Variants in RAI14 observed in about 807,000 individuals in gnomAD.
RAI14 encodes the protein retinoic acid induced 14, also known as ankycorbin.
A neutral mutation model predicts 115.4 loss-of-function variants in RAI14; 45 were observed. That is an observed-to-expected ratio of 0.39 (90% CI 0.31 to 0.50). The LOEUF is 0.50. Ranked by LOEUF, RAI14 falls within the 20% of genes least tolerant of loss-of-function variation. The pLI is 0.85. For missense variants in RAI14, 939 were observed against 1,131.2 expected, an observed-to-expected ratio of 0.83 and a Z score of 2.44; for synonymous variants, 371 against 415.4, an observed-to-expected ratio of 0.89 and a Z score of 1.30.
At chr5:34,777,063 G>A (rs1015229462) in intron 3 of RAI14, among the ~76,000 whole-genome samples, 34 of 151,900 alleles carry the variant, frequency 2.2e-4, no homozygotes, top group African/African-American at 8.2e-4. Context: ...ACCAGCAGGA[G>A]GCTGAGGCAG....
rs186520685 is a variant in RAI14, at chr5:34,796,589, A to T, written c.256+562A>T. ...CTCATTTTTTATATTATTTTCTAAG[A>T]TTATATGTACAGACCAAGCAATAGT... On this transcript the variant is annotated intron_variant, in intron 4 of 17. Transcript: ENST00000265109. 4.1e-4 allele frequency among the ~76,000 whole-genome samples: 62 copies of T among 152,212 alleles called. No individual in the cohort carries two copies. In the East Asian group the frequency reaches 8.9e-3, roughly 22 times the overall value.
At chr5:34,755,817 A>G (rs988586558) in intron 2 of RAI14, among the ~76,000 whole-genome samples, 4 of 152,170 alleles carry the variant, frequency 2.6e-5, no homozygotes, top group African/African-American at 9.7e-5. Context: ...GGGGAATTTT[A>G]TATAATAAGA....
chr5:34,754,458 A>C (rs182308278), intron 2 of RAI14, among the ~76,000 whole-genome samples: 3 of 152,198 alleles, frequency 2.0e-5, no homozygotes, highest in East Asian at 1.9e-4. Context: ...GTGGTCTCGA[A>C]CTCAAGCAAT....
intron 1 of RAI14, among the ~76,000 whole-genome samples, chr5:34,686,006 C>A (rs1164592037): frequency 6.6e-6 from 1 of 152,118 alleles, no homozygotes; most frequent in African/African-American, 2.4e-5. Flanking sequence ...TTTGTTGTTC[C>A]TGGCATTTTT....
At position 34,831,423 on chromosome 5, in the gene RAI14, CTTTTT is replaced by C. The variant is rs1441520351; in HGVS notation, c.*661_*665del. 2 of 152,502 alleles carry C rather than the reference CTTTTT, an allele frequency of 1.3e-5. No homozygotes were observed. Among genetic ancestry groups the C allele is most frequent in the Non-Finnish European group, 2.9e-5 (2 of 68,014 alleles). 9.4% of individuals were successfully genotyped at this position (152,502 alleles called of 1,614,324 possible). A position where few individuals can be genotyped will look rare whatever the true frequency, so the allele number is the denominator to read the frequency against. ...CAAAAGCAAGTTGTCCTTAAAAGTT[CTTTTT>C]TTAAGTAAATTGTTGACATACTGCA... is the stretch of plus-strand genomic sequence containing the variant. On this transcript the variant is annotated 3_prime_UTR_variant, in exon 18 of 18. Coordinates refer to ENST00000265109, the MANE Select transcript of RAI14 (RefSeq NM_015577.3).
At chr5:34,689,162 G>A (rs1397462516) in intron 2 of RAI14, among the ~76,000 whole-genome samples, 1 of 152,122 alleles carries the variant, frequency 6.6e-6, no homozygotes, top group Non-Finnish European at 1.5e-5. Context: ...CAGCACATTG[G>A]GAGGCTGAGG....
intron 2 of RAI14, among the ~76,000 whole-genome samples, chr5:34,690,422 C>T (rs1738427731): frequency 6.6e-6 from 1 of 152,194 alleles, no homozygotes; most frequent in Non-Finnish European, 1.5e-5. Flanking sequence ...GATCGCATTT[C>T]AGCCAGCCTG....
At chr5:34,696,166 T>A (rs1395515602) in intron 2 of RAI14, among the ~76,000 whole-genome samples, 1 of 151,874 alleles carries the variant, frequency 6.6e-6, no homozygotes, top group East Asian at 1.9e-4. Flanking sequence ...TGAGACGGAG[T>A]CTTGCTCTGT....
chr5:34,709,971 C>T (rs1413159930), intron 2 of RAI14, among the ~76,000 whole-genome samples: 3 of 152,154 alleles, frequency 2.0e-5, no homozygotes, highest in Admixed American at 2.0e-4. Flanking sequence ...TTCCAAGTGG[C>T]CTTTTGCAGT....
In RAI14 at chr5:34,818,858, C is replaced by A. The variant is rs773394123; in HGVS notation, c.994+7C>A. The A allele has an allele frequency of 6.1e-5, 97 of 1,586,790 alleles. No homozygotes were observed. The highest frequency in any genetic ancestry group is 7.9e-5 in the Non-Finnish European group (92 of 1,166,670). ...CTAAGTGACAGTACTACAGGTAAGACAAGGAAGCATCTGTTTTTTTTTTTC... is the reference window on the plus strand; with the variant it reads ...CTAAGTGACAGTACTACAGGTAAGAAAAGGAAGCATCTGTTTTTTTTTTTC... On this transcript the variant is annotated splice_region_variant and intron_variant, in intron 13 of 17. Transcript: ENST00000265109.
intron 2 of RAI14, among the ~76,000 whole-genome samples, chr5:34,730,000 A>G (rs1469511821): frequency 6.6e-6 from 1 of 152,188 alleles, no homozygotes. Context: ...ATATTTATTG[A>G]TGCTGTGCTA....
intron 3 of RAI14, among the ~76,000 whole-genome samples, chr5:34,760,737 T>C (rs1216110404): frequency 6.6e-6 from 1 of 152,366 alleles, no homozygotes; most frequent in East Asian, 1.9e-4. Flanking sequence ...TGTGGTAAAA[T>C]GCGTATAACA....
At chr5:34,783,852 C>G (rs920428241) in intron 3 of RAI14, among the ~76,000 whole-genome samples, 5 of 152,202 alleles carry the variant, frequency 3.3e-5, no homozygotes, top group Non-Finnish European at 7.3e-5. Flanking sequence ...TTAATAGAAG[C>G]TGGAATGCCC....
chr5:34,830,914 T>G lies in RAI14; in HGVS notation c.*149T>G. On this transcript the variant is annotated 3_prime_UTR_variant, in exon 18 of 18. Transcript: ENST00000265109. ...CTTTCCAAAGGTTTCTGAGGACTTC[T>G]CCCAGGAGAAGACTGCCCGCCTCAG... 1 of 1,414,676 alleles carries G rather than the reference T, an allele frequency of 7.1e-7. No homozygotes were observed. The highest frequency in any genetic ancestry group is 9.3e-7 in the Non-Finnish European group (1 of 1,070,774). The allele number at this position is 1,414,676 out of a possible 1,614,324, so 87.6% of individuals were successfully genotyped here.
At chr5:34,777,109 T>C (rs941350793) in intron 3 of RAI14, among the ~76,000 whole-genome samples, 3 of 152,034 alleles carry the variant, frequency 2.0e-5, no homozygotes, top group Admixed American at 6.6e-5. Flanking sequence ...GAAGTTGCCA[T>C]GAGCCAAGAT....
intron 1 of RAI14, among the ~76,000 whole-genome samples, chr5:34,678,517 A>G (rs535330745): frequency 6.6e-5 from 10 of 152,314 alleles, no homozygotes; most frequent in African/African-American, 2.4e-4. Context: ...TGGTGTCCTC[A>G]TAAGATGAAG....
intron 15 of RAI14, among the ~76,000 whole-genome samples, chr5:34,824,789 C>A (rs1302874159): frequency 6.6e-6 from 1 of 151,686 alleles, no homozygotes; most frequent in Non-Finnish European, 1.5e-5. Context: ...ACTAAAAATA[C>A]AAAAATTAGC....
In RAI14 at chr5:34,811,825, A is replaced by G. The variant is rs1755637436; in HGVS notation, c.616A>G (p.Lys206Glu). 6.2e-7 allele frequency: 1 copy of G among 1,613,050 alleles called. No individual in the cohort carries two copies. Among genetic ancestry groups the G allele is most frequent in the East Asian group, 2.2e-5 (1 of 44,840 alleles). The change falls in exon 9 of 18, where the codon AAA (lysine) becomes GAA (glutamate). Residue 206 changes from lysine to glutamate, a missense_variant. Lys to Glu is a moderately conservative substitution (Grantham distance 56). Coordinates refer to ENST00000265109, the MANE Select transcript of RAI14 (RefSeq NM_015577.3). ...CTCTAACGCTGTGGAAGCCTTAATTAAAAAGGGTGCAGACCTAAACCTTGT... is the reference window on the plus strand; with the variant it reads ...CTCTAACGCTGTGGAAGCCTTAATTGAAAAGGGTGCAGACCTAAACCTTGT... Reference protein sequence around the residue: ...GSSNAVEALIKKGADLNLVDS... With the variant: ...GSSNAVEALIEKGADLNLVDS...
intron 2 of RAI14, among the ~76,000 whole-genome samples, chr5:34,688,754 TGGAG>T (rs918151115): frequency 2.0e-5 from 3 of 151,634 alleles, no homozygotes; most frequent in African/African-American, 7.3e-5. Flanking sequence ...TACAGCTAAA[TGGAG>T]GGAATAAAAA....
Sources: gnomAD v4.1 joint callset for allele counts (sites outside exome capture counted in the v4.1 genomes callset) on GRCh38, gnomAD v4.1.1 for gene constraint, MANE v1.5 for transcripts, NCBI Gene and HGNC (gene_info 2026-07-23, HGNC 2026-07-21) for gene names.